The following MRPL1 variants were observed in gnomAD, a reference collection of about 807,000 sequenced individuals.
The protein encoded by MRPL1 is large ribosomal subunit protein uL1m.
A neutral mutation model predicts 38.0 loss-of-function variants in MRPL1; 28 were observed. The observed-to-expected ratio is 0.74, with a 90% CI of 0.55 to 1.01. The LOEUF is 1.01. Ranked by LOEUF, MRPL1 falls within the 50% of genes least tolerant of loss-of-function variation. The probability of loss-of-function intolerance (pLI) is 0.00; values close to 1 mark genes in which losing one functional copy is unlikely to be tolerated. For missense variants in MRPL1, 358 were observed against 389.8 expected (o/e 0.92, Z 0.69); for synonymous variants, 123 against 126.7 (o/e 0.97, Z 0.20).
chr4:77,897,370 C>CA (rs201115213), intron 6 of MRPL1, among the ~76,000 whole-genome samples: 2 of 149,022 alleles, frequency 1.3e-5, no homozygotes, highest in Non-Finnish European at 3.0e-5. Flanking sequence ...TGTGCCCAGC[C>CA]AAAAAAAAAT....
At chr4:77,913,132 G>C (rs1407933657) in intron 7 of MRPL1, among the ~76,000 whole-genome samples, 6 of 151,988 alleles carry the variant, frequency 3.9e-5, no homozygotes, top group Non-Finnish European at 8.8e-5. Context: ...TCTTAGATAA[G>C]ACATGAAAAG....
At chr4:77,892,059 T>C (rs1180713503) in intron 5 of MRPL1, among the ~76,000 whole-genome samples, 1 of 152,214 alleles carries the variant, frequency 6.6e-6, no homozygotes. Context: ...TTCCTGTGTT[T>C]TTAAATTAGT....
At position 77,939,881 on chromosome 4, in the gene MRPL1, A is replaced by G. The variant is rs565977545; in HGVS notation, c.778-9916A>G. ...ATTTGGTTTTATTTCTGGGTTCTCT[A>G]TTCTGTTCCATTGGTCTATGTGCCT... On this transcript the variant is annotated intron_variant, in intron 7 of 8. Transcript: ENST00000315567. Among the ~76,000 whole-genome samples, 148 of 152,220 alleles carry G rather than the reference A, an allele frequency of 9.7e-4. 1 individual carries two copies. The highest frequency in any genetic ancestry group is 3.4e-3 in the African/African-American group (141 of 41,528).
chr4:77,877,328 T>A (rs1230219027), intron 2 of MRPL1, among the ~76,000 whole-genome samples: 2 of 152,182 alleles, frequency 1.3e-5, no homozygotes, highest in African/African-American at 4.8e-5. Flanking sequence ...ATTGAGTCAA[T>A]CTTGTCAGGA....
At chr4:77,932,520 C>T (rs1430587418) in intron 7 of MRPL1, among the ~76,000 whole-genome samples, 2 of 152,126 alleles carry the variant, frequency 1.3e-5, no homozygotes, top group African/African-American at 2.4e-5. Flanking sequence ...CACAAAAGCA[C>T]TGGAAAGCCT....
intron 2 of MRPL1, among the ~76,000 whole-genome samples, chr4:77,877,684 GT>G (rs1735431027): frequency 6.7e-6 from 1 of 149,002 alleles, no homozygotes; most frequent in Admixed American, 6.8e-5. Context: ...CAGCATTTCT[GT>G]TCCTTCTCTT....
At chr4:77,921,379 T>C (rs996608978) in intron 7 of MRPL1, among the ~76,000 whole-genome samples, 4 of 152,174 alleles carry the variant, frequency 2.6e-5, no homozygotes, top group East Asian at 1.9e-4. Context: ...GTGGCTATTA[T>C]AGAAAGGTTG....
intron 7 of MRPL1, among the ~76,000 whole-genome samples, chr4:77,943,673 T>C (rs1737186383): frequency 6.6e-6 from 1 of 152,152 alleles, no homozygotes. Context: ...ACTGAGACTT[T>C]ACAGTGCATT....
intron 6 of MRPL1, among the ~76,000 whole-genome samples, chr4:77,908,789 C>T (rs901579432): frequency 6.6e-6 from 1 of 152,152 alleles, no homozygotes; most frequent in African/African-American, 2.4e-5. Flanking sequence ...AGGTATTGGC[C>T]AGAGAGGTGG....
Position 77,862,891 on chromosome 4 carries a change from G to A in MRPL1, c.31+12G>A. On this transcript the variant is annotated intron_variant, in intron 1 of 8. Transcript: ENST00000315567. The stretch of plus-strand genomic sequence containing the variant: ...GTGCATGGGTAGAGGTAAGGCGAGG[G>A]GTTGTCTTGCAGGGGAAATGGCTCT... The A allele has an allele frequency of 6.2e-7, 1 of 1,614,158 alleles. No homozygotes were observed. Among genetic ancestry groups the A allele is most frequent in the South Asian group, 1.1e-5 (1 of 91,072 alleles).
intron 7 of MRPL1, among the ~76,000 whole-genome samples, chr4:77,942,154 T>A (rs1737151311): frequency 6.6e-6 from 1 of 152,140 alleles, no homozygotes; most frequent in Non-Finnish European, 1.5e-5. Context: ...AGGAGCAGGC[T>A]GTTTAATTTC....
chr4:77,874,505 G>A (rs1359316127), intron 2 of MRPL1, among the ~76,000 whole-genome samples: 1 of 152,088 alleles, frequency 6.6e-6, no homozygotes, highest in Non-Finnish European at 1.5e-5. Context: ...GAATATGTTT[G>A]TAGCATAAAC....
At chr4:77,946,993 A>G (rs1238822667) in intron 7 of MRPL1, among the ~76,000 whole-genome samples, 1 of 147,104 alleles carries the variant, frequency 6.8e-6, no homozygotes, top group Non-Finnish European at 1.5e-5. Context: ...GAATTATGAC[A>G]TGTGCATCTC....
intron 6 of MRPL1, among the ~76,000 whole-genome samples, chr4:77,903,993 A>C (rs1578048989): frequency 6.6e-6 from 1 of 152,070 alleles, no homozygotes; most frequent in Middle Eastern, 3.4e-3. Flanking sequence ...CACCTGTAAT[A>C]CCAGTACTTT....
At chr4:77,919,745 TAATA>T (rs1018414054) in intron 7 of MRPL1, among the ~76,000 whole-genome samples, 18 of 152,188 alleles carry the variant, frequency 1.2e-4, no homozygotes, top group Admixed American at 1.3e-4. Flanking sequence ...TTTAATACCA[TAATA>T]AATTACATAA....
chr4:77,883,160 TC>T, intron 2 of MRPL1, 81 bp from the exon 3 acceptor site: 1 of 871,520 alleles, frequency 1.1e-6, no homozygotes, highest in East Asian at 2.9e-5. Flanking sequence ...TGTTTTTTTT[TC>T]TCTTATGTAC....
chr4:77,886,460 G>A (rs919566932), intron 4 of MRPL1, among the ~76,000 whole-genome samples: 3 of 151,534 alleles, frequency 2.0e-5, no homozygotes, highest in Admixed American at 1.3e-4. Flanking sequence ...TCAGCCTCCC[G>A]AGTAGCTGCG....
intron 7 of MRPL1, among the ~76,000 whole-genome samples, chr4:77,930,083 G>T (rs954343867): frequency 1.3e-5 from 2 of 152,176 alleles, no homozygotes; most frequent in African/African-American, 4.8e-5. Context: ...TGGCAAGTTT[G>T]CCATTTGTCC....
intron 7 of MRPL1, among the ~76,000 whole-genome samples, chr4:77,910,355 G>A (rs1335695681): frequency 6.6e-6 from 1 of 152,122 alleles, no homozygotes; most frequent in African/African-American, 2.4e-5. Context: ...CTCTTAAGGG[G>A]AATTCTGCAT....
Sources: gnomAD v4.1 joint callset for allele counts (sites outside exome capture counted in the v4.1 genomes callset) on GRCh38, gnomAD v4.1.1 for gene constraint, MANE v1.5 for transcripts, NCBI Gene and HGNC (gene_info 2026-07-23, HGNC 2026-07-21) for gene names.